Variants in PTPN23 observed in about 807,000 individuals in gnomAD.
The protein encoded by PTPN23 is protein tyrosine phosphatase non-receptor type 23.
In PTPN23, 72 loss-of-function variants were observed where a neutral mutation model predicts 156.3. The observed-to-expected ratio is 0.46, with a 90% confidence interval of 0.38 to 0.56. The LOEUF is 0.56. PTPN23 is among the 20% of genes least tolerant of loss of function. PTPN23 has a pLI of 0.00. For missense variants in PTPN23, 1,974 were observed against 2,171.5 expected, an observed-to-expected ratio of 0.91 and a Z score of 1.81; for synonymous variants, 957 against 899.6, an observed-to-expected ratio of 1.06 and a Z score of -1.14.
At chr3:47,384,046 T>C (rs1031034337) in intron 1 of PTPN23, among the ~76,000 whole-genome samples, 3 of 152,158 alleles carry the variant, frequency 2.0e-5, no homozygotes, top group African/African-American at 7.2e-5. Flanking sequence ...TGAAAATTGG[T>C]TCTGTTTACA....
Position 47,406,666 on chromosome 3 carries a change from C to T in PTPN23, c.760-37C>T, listed in dbSNP as rs1705132887. The T allele has an allele frequency of 1.2e-6, 2 of 1,613,826 alleles. No individual in the cohort carries two copies. The highest frequency in any genetic ancestry group is 1.7e-5 in the Admixed American group (1 of 59,996). On this transcript the variant is annotated intron_variant, in intron 8 of 24. Transcript: ENST00000265562. The surrounding 1 kb of genome is among the most constrained non-coding windows in gnomAD (Gnocchi z 5.8). The stretch of plus-strand genomic sequence containing the variant: ...AGGGCGGGGCTGAGTGGCCACAGCT[C>T]AGGAAGCAAGTCGTGGCGTCTCTTC...
rs1427718482 is a variant in PTPN23 at position 47,413,216 on chromosome 3, C to CATCA, written c.*32_*35dup. The CATCA allele has an allele frequency of 2.7e-6, 4 of 1,457,080 alleles. No homozygotes were observed. The highest frequency in any genetic ancestry group is 2.4e-5 in the South Asian group (2 of 82,320). The allele number at this position is 1,457,080 out of a possible 1,614,324, so 90.3% of individuals were successfully genotyped here. A position where few individuals can be genotyped will look rare whatever the true frequency, so the allele number is the denominator to read the frequency against. On this transcript the variant is annotated 3_prime_UTR_variant, in exon 25 of 25. Coordinates refer to ENST00000265562, the MANE Select transcript of PTPN23 (RefSeq NM_015466.4). ...TTTTGCCTACCTGGTCCTTACACTA[C>CATCA]ATCATCATCATCTCATGCCCACCTG...
In PTPN23 at chr3:47,404,658, G is replaced by A. The variant is rs150804434; in HGVS notation, c.166G>A (p.Val56Ile). 3.1e-6 allele frequency: 5 copies of A among 1,613,782 alleles called. No individual in the cohort carries two copies. In the African/African-American group the frequency reaches 5.3e-5, roughly 17 times the overall value. Residue 56 changes from valine to isoleucine, a missense_variant, in exon 3 of 25, where the codon GTC (valine) becomes ATC (isoleucine). Val to Ile is a conservative substitution (Grantham distance 29, BLOSUM62 3). Transcript: ENST00000265562. ...KKLELLRQNA[V>I]RVPRDFEGCS... is the part of the protein sequence containing the mutation. ...CTCCCATCCTGCCCCCCAGAATGCT[G>A]TCCGTGTCCCACGAGACTTTGAGGG...
At position 47,410,683 on chromosome 3, in the gene PTPN23, A is replaced by G. The variant is rs1403182991; in HGVS notation, c.2885A>G (p.His962Arg). The stretch of plus-strand genomic sequence containing the variant: ...CAGCCCCAGCCCCATCCTCAGCCCC[A>G]TCCTTCACAAGCGTTTGGGCCTCAG... ...GPQPQPHPQP[H>R]PSQAFGPQPP... Residue 962 changes from histidine (H) to arginine (R), a missense_variant, in exon 20 of 25, where the codon CAT becomes CGT. Coordinates refer to ENST00000265562, the MANE Select transcript of PTPN23 (RefSeq NM_015466.4). 2 of 1,544,460 alleles carry G rather than the reference A, an allele frequency of 1.3e-6. No individual in the cohort carries two copies. Among genetic ancestry groups the G allele is most frequent in the East Asian group, 4.7e-5 (2 of 42,968 alleles).
chr3:47,401,689 G>T (rs530915879), intron 2 of PTPN23, among the ~76,000 whole-genome samples: 45 of 152,326 alleles, frequency 3.0e-4, no homozygotes, highest in African/African-American at 1.1e-3. Flanking sequence ...CAGAGGTCAT[G>T]ATGGAGGGGT....
Position 47,381,072 on chromosome 3 carries a change from G to A in PTPN23, c.-25G>A, listed in dbSNP as rs775092298. The A allele has an allele frequency of 1.7e-5, 27 of 1,555,736 alleles. No homozygotes were observed. The African/African-American group carries it at 2.5e-4, about 14-fold the overall frequency. On this transcript the variant is annotated 5_prime_UTR_variant, in exon 1 of 25. Transcript: ENST00000265562. Reference sequence around the variant, plus strand: ...AGCTGCAGCAGCTACGGGAGTGGCCGGGTGGCCGGCGGGTGCCAGCCGCCA... The same window carrying A: ...AGCTGCAGCAGCTACGGGAGTGGCCAGGTGGCCGGCGGGTGCCAGCCGCCA...
In PTPN23 at chr3:47,412,579, T is replaced by C; in HGVS notation, c.4383T>C (p.Gly1461=). ...RHVEQVLQRH[G]VPPPCKPLAS... ...TGGAGCAGGTCCTGCAGCGCCATGG[T>C]GTGCCTCCTCCATGCAAACCCTTGG... The change falls in exon 24 of 25, where the codon GGT becomes GGC. Residue 1461 remains glycine (G), a synonymous_variant. Transcript: ENST00000265562. The C allele has an allele frequency of 6.2e-7, 1 of 1,613,696 alleles. No individual in the cohort carries two copies. The highest frequency in any genetic ancestry group is 8.5e-7 in the Non-Finnish European group (1 of 1,179,992).
intron 1 of PTPN23, among the ~76,000 whole-genome samples, chr3:47,395,106 C>T (rs1176977482): frequency 6.6e-6 from 1 of 152,214 alleles, no homozygotes; most frequent in East Asian, 1.9e-4. Context: ...AGCTGTCACC[C>T]AGGCTTCCCG....
At chr3:47,404,951 TCAGG>T in intron 3 of PTPN23, 50 bp from the exon 4 acceptor site, 1 of 1,609,610 alleles carries the variant, frequency 6.2e-7, no homozygotes, top group Non-Finnish European at 8.5e-7. Context: ...TTACCTAATC[TCAGG>T]GCCCTGGCTA....
At chr3:47,386,844 C>T (rs1222491624) in intron 1 of PTPN23, among the ~76,000 whole-genome samples, 3 of 152,212 alleles carry the variant, frequency 2.0e-5, no homozygotes, top group Non-Finnish European at 4.4e-5. Context: ...CCATTATTCT[C>T]TGACTTGAAT....
At chr3:47,408,516 TGGAA>T (rs1705184362) in intron 15 of PTPN23, 26 bp downstream of exon 15, 1 of 1,594,824 alleles carries the variant, frequency 6.3e-7, no homozygotes, top group Non-Finnish European at 8.6e-7. Flanking sequence ...AGCAAGCAGG[TGGAA>T]GGGAGTGTGG....
In PTPN23 at chr3:47,408,782, C is replaced by T. The variant is rs990572884; in HGVS notation, c.1337C>T (p.Ser446Leu). Residue 446 changes from serine to leucine, a missense_variant, in exon 16 of 25, where the codon TCA becomes TTA. Ser to Leu is a moderately radical substitution (Grantham distance 145). Transcript: ENST00000265562. ...GTACAATCCACAACCCCAGTGCTGTCAGGTGTGTTCACGGATGTGGAGGCT... is the reference window on the plus strand; with the variant it reads ...GTACAATCCACAACCCCAGTGCTGTTAGGTGTGTTCACGGATGTGGAGGCT... ...RNLVQSMQVL[S>L]GVFTDVEASL... 3.8e-6 allele frequency: 6 copies of T among 1,590,206 alleles called. No individual in the cohort carries two copies. Among genetic ancestry groups the T allele is most frequent in the Non-Finnish European group, 5.1e-6 (6 of 1,166,920 alleles).
At chr3:47,381,585 G>A (rs1245300085) in intron 1 of PTPN23, among the ~76,000 whole-genome samples, 1 of 152,168 alleles carries the variant, frequency 6.6e-6, no homozygotes, top group Admixed American at 6.5e-5. Context: ...GGCCCTCGGT[G>A]CGCTGTCAAG....
rs1247519058 is a variant in PTPN23 at position 47,413,211 on chromosome 3, C to T, written c.*26C>T. The T allele has an allele frequency of 3.8e-6, 6 of 1,587,444 alleles. No individual in the cohort carries two copies. In the African/African-American group the frequency reaches 5.4e-5, roughly 14 times the overall value. ...ACAGGTTTTGCCTACCTGGTCCTTA[C>T]ACTACATCATCATCATCTCATGCCC... On this transcript the variant is annotated 3_prime_UTR_variant, in exon 25 of 25. Coordinates refer to ENST00000265562, the MANE Select transcript of PTPN23 (RefSeq NM_015466.4).
intron 1 of PTPN23, among the ~76,000 whole-genome samples, chr3:47,387,321 C>G (rs980928696): frequency 1.4e-5 from 2 of 145,436 alleles, no homozygotes; most frequent in Non-Finnish European, 3.0e-5. Context: ...CATCCCAGCA[C>G]TTTGGGAGGC....
Position 47,410,624 on chromosome 3 carries a change from C to A in PTPN23, c.2826C>A (p.Ile942=), listed in dbSNP as rs1198737804. 6.2e-7 allele frequency: 1 copy of A among 1,611,850 alleles called. No homozygotes were observed. The highest frequency in any genetic ancestry group is 1.1e-5 in the South Asian group (1 of 90,994). The change falls in exon 20 of 25, where the codon ATC becomes ATA. Residue 942 remains isoleucine, a synonymous_variant. Transcript: ENST00000265562. ...CACAGCACCACTTCTCTTCTGGGATCCCCGCAGGTTTTCCAGCCCCAAGGA... is the reference window on the plus strand; with the variant it reads ...CACAGCACCACTTCTCTTCTGGGATACCCGCAGGTTTTCCAGCCCCAAGGA... ...IPAQHHFSSG[I]PAGFPAPRIG... is the part of the protein sequence containing the mutation.
intron 1 of PTPN23, among the ~76,000 whole-genome samples, chr3:47,381,430 G>A (rs1234249735): frequency 6.6e-6 from 1 of 152,154 alleles, no homozygotes; most frequent in Non-Finnish European, 1.5e-5. Context: ...CTTCTGCCCC[G>A]AGTCATCCGC....
At position 47,406,118 on chromosome 3, in the gene PTPN23, C is replaced by G. The variant is rs890796466; in HGVS notation, c.546+72C>G. 8.3e-6 allele frequency: 13 copies of G among 1,569,390 alleles called. No homozygotes were observed. The highest frequency in any genetic ancestry group is 1.1e-5 in the Non-Finnish European group (13 of 1,158,220). On this transcript the variant is annotated intron_variant, in intron 6 of 24. Transcript: ENST00000265562. The surrounding 1 kb of genome is among the most constrained non-coding windows in gnomAD (Gnocchi z 5.8). ...ATGGCCAGGGAGGGGGCAGTTGGGC[C>G]TGGATCCTGGACCAAGGCAGTGAGG...
rs1250152209 is a variant in PTPN23, at chr3:47,411,393, C to A, written c.3595C>A (p.Gln1199Lys). Residue 1199 changes from glutamine to lysine, a missense_variant, in exon 20 of 25, where the codon CAA (glutamine) becomes AAA (lysine). This residue lies in a region of PTPN23 where 731 missense variants were observed against 669.1 expected (regional missense o/e 1.09). Transcript: ENST00000265562. This position sits in a 1 kb window ranked among gnomAD's most constrained non-coding sequence, Gnocchi z 6.3. ...TCTGGACACTGTCTGGCGAGAGCTG[C>A]AAGATGCGCAGGAACATGATGCCCG... ...GALDTVWREL[Q>K]DAQEHDARGR... 1 of 1,613,038 alleles carries A rather than the reference C, an allele frequency of 6.2e-7. No homozygotes were observed. The highest frequency in any genetic ancestry group is 2.2e-5 in the East Asian group (1 of 44,864).
Sources: allele counts gnomAD v4.1 joint callset (sites outside exome capture counted in the v4.1 genomes callset), GRCh38; gene constraint gnomAD v4.1.1; regional missense constraint gnomAD v4.1.1; non-coding constraint Gnocchi (gnomAD v3.1); transcripts MANE v1.5; gene names NCBI Gene and HGNC (gene_info 2026-07-23, HGNC 2026-07-21).